G6PD: variants seen among roughly 807,000 people sequenced by gnomAD.
G6PD encodes the protein glucose-6-phosphate 1-dehydrogenase.
G6PD carries 2 observed loss-of-function variants against 38.2 expected under a neutral mutation model. The ratio of observed to expected loss-of-function variants is 0.05; its 90% CI spans 0.02 to 0.16. The LOEUF (loss-of-function observed/expected upper bound fraction) is 0.16, where lower values mean the gene tolerates loss of function less well. Among genes scored for constraint, G6PD ranks in the 10% least tolerant of loss-of-function variants. The probability of loss-of-function intolerance (pLI) is 1.00; values close to 1 mark genes in which losing one functional copy is unlikely to be tolerated. For synonymous variants in G6PD, 188 were observed against 196.0 expected (o/e 0.96, Z 0.34); for missense variants, 310 against 471.6 (o/e 0.66, Z 3.17).
chrX:154,536,973 C>T (rs782796928), intron 2 of G6PD, among the ~76,000 whole-genome samples: 3 of 112,500 alleles, frequency 2.7e-5, no homozygotes, highest in African/African-American at 3.2e-5. Flanking sequence ...TTGAAAAAGA[C>T]GAATAGAAAC....
At chrX:154,547,402 G>A (rs1557233892), upstream of G6PD, 1 of 755,133 alleles carries the variant, frequency 1.3e-6, no homozygotes, top group Non-Finnish European at 1.6e-6. Flanking sequence ...AGACGCCGCC[G>A]TCCGAGAGAC....
rs369932787 is a variant in G6PD, at chrX:154,538,920, C to CA, written c.121-2743dup. Among the ~76,000 whole-genome samples, 958 of 99,584 alleles carry CA rather than the reference C, an allele frequency of 9.6e-3. 12 individuals carry two copies. The highest frequency in any genetic ancestry group is 0.029 in the African/African-American group (787 of 27,567). The allele number at this position is 99,584 out of a possible 115,157, so 86.5% of individuals were successfully genotyped here. On this transcript the variant is annotated intron_variant, in intron 2 of 12. Transcript: ENST00000393562. Reference sequence around the variant, plus strand: ...TGAGCAACAGAGCTAGACGTCGTCTCAAAAAAAAAAACCACCACCAAAAAA... The same window carrying CA: ...TGAGCAACAGAGCTAGACGTCGTCTCAAAAAAAAAAAACCACCACCAAAAAA...
chrX:154,546,889 G>GGCGGGC, upstream of G6PD: 2 of 1,008,518 alleles, frequency 2.0e-6, no homozygotes, highest in Non-Finnish European at 2.6e-6. Context: ...CGGGGGCGGG[G>GGCGGGC]GCGGGCGCCT....
rs387906467 is a variant in G6PD, at chrX:154,532,784, C to T, written c.1070G>A (p.Arg357His). ...GCGCTCGTTCAGGGCCTTGCCGCAG[C>T]GCAGGATGAAGGGCACCCCTACGTG... ...ERWDGVPFIL[R>H]CGKALNERKA... The change falls in exon 10 of 13, where the codon CGC (arginine) becomes CAC (histidine). Residue 357 changes from arginine (R) to histidine (H), a missense_variant. Arg to His is a conservative substitution (Grantham distance 29). Coordinates refer to ENST00000393562, the MANE Select transcript of G6PD (RefSeq NM_001360016.2). 1 of 1,208,969 alleles carries T rather than the reference C, an allele frequency of 8.3e-7. No individual in the cohort carries two copies. The highest frequency in any genetic ancestry group is 1.8e-5 in the South Asian group (1 of 56,602).
chrX:154,536,767 T>G (rs922943758), intron 2 of G6PD, among the ~76,000 whole-genome samples: 1 of 110,854 alleles, frequency 9.0e-6, no homozygotes, highest in African/African-American at 3.3e-5. Context: ...GAGGCAGAGG[T>G]TGCAGTGAGC....
intron 9 of G6PD, 34 bp from the exon 10 acceptor site, chrX:154,532,836 T>C (rs1557229791): frequency 8.3e-7 from 1 of 1,203,454 alleles, no homozygotes; most frequent in Admixed American, 2.2e-5. Flanking sequence ...CAGCACCAGC[T>C]CTCTCAGGGT....
intron 2 of G6PD, 193 bp downstream of exon 2, chrX:154,545,836 CAAAAAAA>C (rs781893284): frequency 3.9e-5 from 11 of 283,428 alleles, no homozygotes; most frequent in African/African-American, 2.9e-4. Flanking sequence ...ACTCCGTCTC[CAAAAAAA>C]AAAAAAAAAA....
chrX:154,546,890 G>T (rs1557233620), upstream of G6PD: 5 of 999,596 alleles, frequency 5.0e-6, no homozygotes, highest in East Asian at 2.0e-4. Flanking sequence ...GGGGGCGGGG[G>T]CGGGCGCCTG....
chrX:154,542,308 G>C, intron 2 of G6PD: 1 of 1,178,499 alleles, frequency 8.5e-7, no homozygotes, highest in Non-Finnish European at 1.1e-6. Flanking sequence ...CCAGAGAAGT[G>C]AGGACCCCGC....
chrX:154,539,210 C>T (rs1240899191), intron 2 of G6PD, among the ~76,000 whole-genome samples: 2 of 111,738 alleles, frequency 1.8e-5, no homozygotes, highest in African/African-American at 6.5e-5. Flanking sequence ...GACCTGCACA[C>T]GAATGGTCAC....
chrX:154,535,823 A>G, intron 4 of G6PD, 114 bp downstream of exon 4: 2 of 593,634 alleles, frequency 3.4e-6, no homozygotes, highest in Non-Finnish European at 5.7e-6. Flanking sequence ...GGGGCGGGGC[A>G]GGAGAGGAGG....
At chrX:154,533,992 G>T (rs868958377) in intron 7 of G6PD, 43 bp downstream of exon 7, 1 of 1,210,597 alleles carries the variant, frequency 8.3e-7, no homozygotes, top group South Asian at 1.8e-5. Flanking sequence ...GACTGGCTCT[G>T]CCACCCTGTG....
chrX:154,547,295 G>A, upstream of G6PD: 5 of 747,656 alleles, frequency 6.7e-6, no homozygotes, highest in Non-Finnish European at 7.9e-6. Flanking sequence ...ACTCCCCCGG[G>A]AACCCTCGCC....
Position 154,533,504 on chromosome X carries a change from C to T in G6PD, c.864+72G>A, listed in dbSNP as rs1275306924. 8.6e-6 allele frequency: 10 copies of T among 1,166,208 alleles called. No homozygotes were observed. The East Asian group carries it at 2.7e-4, about 31-fold the overall frequency. Reference sequence around the variant, plus strand: ...GAGGACACCTGCTCTGCATGCACACCCCAGCTCAGTGCCTCGTCACAGATG... The same window carrying T: ...GAGGACACCTGCTCTGCATGCACACTCCAGCTCAGTGCCTCGTCACAGATG... On this transcript the variant is annotated intron_variant, in intron 8 of 12. Transcript: ENST00000393562.
chrX:154,542,080 C>T (rs1440143415), intron 2 of G6PD, among the ~76,000 whole-genome samples: 3 of 112,400 alleles, frequency 2.7e-5, no homozygotes, highest in East Asian at 2.8e-4. Context: ...CTGCTATACC[C>T]GGGGGCTCAT....
chrX:154,535,708 A>C (rs1187010751), intron 4 of G6PD: 1 of 455,964 alleles, frequency 2.2e-6, no homozygotes, highest in Admixed American at 3.5e-5. Flanking sequence ...ATGACACCCA[A>C]CTATGATTGG....
At chrX:154,537,920 C>T (rs2070428950) in intron 2 of G6PD, among the ~76,000 whole-genome samples, 1 of 110,635 alleles carries the variant, frequency 9.0e-6, no homozygotes, top group Non-Finnish European at 1.9e-5. Flanking sequence ...TATCAGCAGG[C>T]CGGGCACAAC....
chrX:154,545,992 A>T, intron 2 of G6PD, 44 bp downstream of exon 2: 1 of 1,205,568 alleles, frequency 8.3e-7, no homozygotes, highest in Non-Finnish European at 1.1e-6. Flanking sequence ...GGCATGGAGC[A>T]GGCACTTCCT....
chrX:154,543,969 G>A (rs2148344713), intron 2 of G6PD, among the ~76,000 whole-genome samples: 3 of 108,337 alleles, frequency 2.8e-5, no homozygotes, highest in East Asian at 2.9e-4. Context: ...CCGAGTTCAC[G>A]CCTTTCTCCT....
Sources: gnomAD v4.1 joint callset for allele counts (sites outside exome capture counted in the v4.1 genomes callset) on GRCh38, gnomAD v4.1.1 for gene constraint, MANE v1.5 for transcripts, NCBI Gene and HGNC (gene_info 2026-07-23, HGNC 2026-07-21) for gene names.